The following TCF4 variants were observed in gnomAD, a reference collection of about 807,000 sequenced individuals.
The protein encoded by TCF4 is transcription factor 4, also known as SL3-3 enhancer factor 2.
In TCF4, 3 loss-of-function variants were observed where a neutral mutation model predicts 82.1. The observed-to-expected ratio is 0.04, with a 90% CI of 0.02 to 0.09. The LOEUF is 0.09. Among genes scored for constraint, TCF4 ranks in the 10% least tolerant of loss-of-function variants. The pLI is 1.00. For synonymous variants in TCF4, 276 were observed against 309.6 expected (o/e 0.89, Z 1.14); for missense variants, 518 against 852.7 (o/e 0.61, Z 4.89).
chr18:55,457,847 CAAG>C (rs1876683321), intron 5 of TCF4, among the ~76,000 whole-genome samples: 1 of 152,130 alleles, frequency 6.6e-6, no homozygotes, highest in Admixed American at 6.5e-5. Flanking sequence ...CATGTGAAAT[CAAG>C]AAGTTCAGAG....
intron 3 of TCF4, among the ~76,000 whole-genome samples, chr18:55,570,223 A>T (rs1237683887): frequency 1.3e-5 from 2 of 152,206 alleles, no homozygotes; most frequent in Non-Finnish European, 2.9e-5. Flanking sequence ...GGAAAACTTA[A>T]ATGTGATAGG....
At chr18:55,317,353 A>T (rs1568957450) in intron 8 of TCF4, among the ~76,000 whole-genome samples, 1 of 152,090 alleles carries the variant, frequency 6.6e-6, no homozygotes, top group African/African-American at 2.4e-5. Flanking sequence ...ATTAAAAAAA[A>T]TAAAAGCATT....
intron 6 of TCF4, among the ~76,000 whole-genome samples, chr18:55,377,717 G>A (rs73492933): frequency 0.068 from 10,291 of 152,220 alleles, 566 homozygotes; most frequent in South Asian, 0.17. Flanking sequence ...TCCTTTTAAA[G>A]AGAAAACTTC....
chr18:55,276,984 T>G (rs2146191473), intron 9 of TCF4, among the ~76,000 whole-genome samples: 1 of 152,304 alleles, frequency 6.6e-6, no homozygotes, highest in Admixed American at 6.5e-5. Context: ...TGTCTGTGAT[T>G]TTGACAACTT....
chr18:55,489,820 G>A (rs888924086), intron 3 of TCF4, among the ~76,000 whole-genome samples: 2 of 151,930 alleles, frequency 1.3e-5, no homozygotes, highest in Non-Finnish European at 2.9e-5. Flanking sequence ...CTGAAACCAC[G>A]AACACCTAAG....
chr18:55,572,543 C>T (rs2097483447), intron 3 of TCF4, among the ~76,000 whole-genome samples: 1 of 152,156 alleles, frequency 6.6e-6, no homozygotes, highest in Non-Finnish European at 1.5e-5. Flanking sequence ...GTAATTTCCT[C>T]CCTGTGACAA....
chr18:55,403,516 T>C lies in TCF4; in HGVS notation c.307A>G (p.Lys103Glu), dbSNP rs1450892121. ...PPFVNSRIQS[K>E]TERGSYSSYG... ...GATGAGTATGAGCCCCTTTCTGTTTTACCTGCCAAGAGAAACGACAAAAAA... is the reference window on the plus strand; with the variant it reads ...GATGAGTATGAGCCCCTTTCTGTTTCACCTGCCAAGAGAAACGACAAAAAA... Residue 103 changes from lysine (K) to glutamate (E), a missense_variant and splice_region_variant, in exon 6 of 20, where the codon AAA (lysine) becomes GAA (glutamate). Transcript: ENST00000354452. 6.2e-7 allele frequency: 1 copy of C among 1,613,870 alleles called. No homozygotes were observed. Among genetic ancestry groups the C allele is most frequent in the Admixed American group, 1.7e-5 (1 of 60,004 alleles).
chr18:55,557,060 T>C (rs1301634966), intron 3 of TCF4, among the ~76,000 whole-genome samples: 4 of 152,210 alleles, frequency 2.6e-5, no homozygotes, highest in African/African-American at 9.6e-5. Flanking sequence ...CCTAAAAATG[T>C]AACTTCCATT....
chr18:55,254,095 T>C (rs1281396955), intron 15 of TCF4, among the ~76,000 whole-genome samples: 3 of 152,190 alleles, frequency 2.0e-5, no homozygotes, highest in African/African-American at 4.8e-5. Context: ...ACTGCAACAG[T>C]CATGCTAAGT....
intron 6 of TCF4, among the ~76,000 whole-genome samples, chr18:55,367,320 C>T (rs897827322): frequency 6.6e-6 from 1 of 152,146 alleles, no homozygotes; most frequent in Non-Finnish European, 1.5e-5. Context: ...TTTCTCCATC[C>T]CAACACACAC....
At chr18:55,322,680 G>A (rs2075914466) in intron 8 of TCF4, among the ~76,000 whole-genome samples, 3 of 152,230 alleles carry the variant, frequency 2.0e-5, no homozygotes. Flanking sequence ...GGAGGGGCTG[G>A]GGCGCTGCTC....
At chr18:55,588,485 A>T (rs778924507), upstream of TCF4, 6 of 1,534,870 alleles carry the variant, frequency 3.9e-6, no homozygotes, top group South Asian at 7.1e-5. Flanking sequence ...TTTTCCTCAG[A>T]TCGTCAGTTA....
At chr18:55,437,749 A>T (rs1386307227) in intron 5 of TCF4, among the ~76,000 whole-genome samples, 1 of 152,196 alleles carries the variant, frequency 6.6e-6, no homozygotes, top group Non-Finnish European at 1.5e-5. Context: ...GCCACATGTT[A>T]CTCAGATGCA....
At chr18:55,448,056 TG>T (rs1448283466) in intron 5 of TCF4, among the ~76,000 whole-genome samples, 1 of 152,130 alleles carries the variant, frequency 6.6e-6, no homozygotes, top group East Asian at 1.9e-4. Context: ...AATATTAGAA[TG>T]CACTAAAATA....
chr18:55,433,835 G>T, intron 5 of TCF4, among the ~76,000 whole-genome samples: 1 of 151,996 alleles, frequency 6.6e-6, no homozygotes, highest in South Asian at 2.1e-4. Context: ...TCTTCTCTCT[G>T]CACCTTTCTC....
intron 5 of TCF4, among the ~76,000 whole-genome samples, chr18:55,436,444 A>G (rs978396897): frequency 6.6e-6 from 1 of 152,262 alleles, no homozygotes; most frequent in African/African-American, 2.4e-5. Flanking sequence ...AAACAAGTAA[A>G]TAAAATTTCT....
At chr18:55,588,499 T>C, upstream of TCF4, 1 of 1,535,240 alleles carries the variant, frequency 6.5e-7, no homozygotes, top group Non-Finnish European at 8.7e-7. Flanking sequence ...TCAGTTACAA[T>C]CTGAAGCCTG....
intron 5 of TCF4, among the ~76,000 whole-genome samples, chr18:55,450,318 C>A (rs1603473890): frequency 6.6e-6 from 1 of 152,134 alleles, no homozygotes; most frequent in Non-Finnish European, 1.5e-5. Flanking sequence ...TGCTTCCTTG[C>A]AATTTTTCCT....
intron 3 of TCF4, among the ~76,000 whole-genome samples, chr18:55,529,697 A>C (rs1355778714): frequency 6.6e-6 from 1 of 152,188 alleles, no homozygotes; most frequent in Non-Finnish European, 1.5e-5. Context: ...AGGAAGGAAA[A>C]ACACTGGCAA....
Sources: gnomAD v4.1 joint callset for allele counts (sites outside exome capture counted in the v4.1 genomes callset) on GRCh38, gnomAD v4.1.1 for gene constraint, MANE v1.5 for transcripts, NCBI Gene and HGNC (gene_info 2026-07-23, HGNC 2026-07-21) for gene names.